Variants in SH3RF3 observed in about 807,000 individuals in gnomAD.
The protein encoded by SH3RF3 is E3 ubiquitin-protein ligase SH3RF3.
In SH3RF3, 29 loss-of-function variants were observed where a neutral mutation model predicts 66.3. The ratio of observed to expected loss-of-function variants is 0.44; its 90% CI spans 0.33 to 0.60. SH3RF3 has a LOEUF of 0.60. Ranked by LOEUF, SH3RF3 falls within the 20% of genes least tolerant of loss-of-function variation. The pLI, the probability that SH3RF3 is intolerant of heterozygous loss-of-function variation, is 0.04. For synonymous variants in SH3RF3, 583 were observed against 532.0 expected (o/e 1.10, Z -1.32); for missense variants, 1,194 against 1,190.9 (o/e 1.00, Z -0.04).
intron 1 of SH3RF3, among the ~76,000 whole-genome samples, chr2:109,132,387 CAG>C (rs947496449): frequency 6.6e-6 from 1 of 152,142 alleles, no homozygotes; most frequent in African/African-American, 2.4e-5. Context: ...GGACACAAAA[CAG>C]TGTTTTCCTG....
intron 3 of SH3RF3, among the ~76,000 whole-genome samples, chr2:109,380,895 G>A (rs531400569): frequency 8.8e-4 from 134 of 152,370 alleles, no homozygotes; most frequent in Admixed American, 2.0e-3. Context: ...AGCAGGGCAC[G>A]CACTGGTCCT....
At chr2:109,307,398 A>C (rs1835356) in intron 1 of SH3RF3, among the ~76,000 whole-genome samples, 46,985 of 151,740 alleles carry the variant, frequency 0.31, 8,980 homozygotes, top group African/African-American at 0.54. Context: ...CTCTGGGCGG[A>C]AGCTTGGAGC....
chr2:109,254,840 C>A (rs1035257868), intron 1 of SH3RF3, among the ~76,000 whole-genome samples: 4 of 152,148 alleles, frequency 2.6e-5, no homozygotes, highest in Non-Finnish European at 5.9e-5. Flanking sequence ...CTCGCCAGGG[C>A]AGTATCTGCT....
rs80041297 is a variant in SH3RF3, at chr2:109,171,794, G to A, written c.573+41681G>A. 9.8e-3 allele frequency among the ~76,000 whole-genome samples: 1,488 copies of A among 152,358 alleles called. 19 individuals are homozygous for A. The highest frequency in any genetic ancestry group is 0.034 in the African/African-American group (1,415 of 41,580). On this transcript the variant is annotated intron_variant, in intron 1 of 9. Coordinates refer to ENST00000309415, the MANE Select transcript of SH3RF3 (RefSeq NM_001099289.3). ...CCGTGCATCCCGGCCACGCTCACTT[G>A]CAGCGGGGAGTGGCTGCCTGCCCCA... is the stretch of plus-strand genomic sequence containing the variant.
At chr2:109,267,107 G>A (rs2105307599) in intron 1 of SH3RF3, among the ~76,000 whole-genome samples, 4 of 152,254 alleles carry the variant, frequency 2.6e-5, no homozygotes, top group African/African-American at 9.6e-5. Context: ...TCTCTGATGG[G>A]TATCGCTCAG....
intron 1 of SH3RF3, among the ~76,000 whole-genome samples, chr2:109,240,835 C>G (rs1679761375): frequency 6.6e-6 from 1 of 151,862 alleles, no homozygotes; most frequent in African/African-American, 2.4e-5. Context: ...TACTGGACTC[C>G]TGACACCCCC....
At chr2:109,429,953 A>C (rs1446866108) in intron 5 of SH3RF3, among the ~76,000 whole-genome samples, 3 of 152,164 alleles carry the variant, frequency 2.0e-5, no homozygotes, top group Non-Finnish European at 4.4e-5. Flanking sequence ...CAATCCACGG[A>C]ACAAGGCCTC....
At chr2:109,223,448 G>A (rs1679302228) in intron 1 of SH3RF3, among the ~76,000 whole-genome samples, 9 of 152,214 alleles carry the variant, frequency 5.9e-5, no homozygotes, top group Admixed American at 5.9e-4. Flanking sequence ...GTTATTTCAG[G>A]CATTGTCCCC....
intron 1 of SH3RF3, among the ~76,000 whole-genome samples, chr2:109,226,654 C>T (rs1024458093): frequency 6.6e-6 from 1 of 152,210 alleles, no homozygotes; most frequent in African/African-American, 2.4e-5. Context: ...ATCTTGACTT[C>T]TCCCGGGGCC....
chr2:109,177,693 A>G (rs1280631960), intron 1 of SH3RF3, among the ~76,000 whole-genome samples: 1 of 152,200 alleles, frequency 6.6e-6, no homozygotes, highest in Non-Finnish European at 1.5e-5. Flanking sequence ...AGTAATCTAA[A>G]AACTCTGAAT....
chr2:109,272,193 C>G (rs531518994), intron 1 of SH3RF3, among the ~76,000 whole-genome samples: 2 of 152,346 alleles, frequency 1.3e-5, no homozygotes, highest in South Asian at 4.1e-4. Flanking sequence ...CCCCACAGCC[C>G]TCTGCAATGA....
At chr2:109,163,813 C>T (rs1048164384) in intron 1 of SH3RF3, among the ~76,000 whole-genome samples, 36 of 152,332 alleles carry the variant, frequency 2.4e-4, no homozygotes, top group African/African-American at 8.7e-4. Flanking sequence ...AATGGCTCTG[C>T]TTCCCTCCAA....
chr2:109,282,767 T>A (rs770391624), intron 1 of SH3RF3, among the ~76,000 whole-genome samples: 1 of 152,200 alleles, frequency 6.6e-6, no homozygotes, highest in Non-Finnish European at 1.5e-5. Context: ...AGGAGAAAGC[T>A]GCAGAAGAGC....
At chr2:109,388,251 C>A (rs1183795730) in intron 3 of SH3RF3, among the ~76,000 whole-genome samples, 1 of 152,220 alleles carries the variant, frequency 6.6e-6, no homozygotes, top group Non-Finnish European at 1.5e-5. Context: ...TCAGCCAAGC[C>A]TTTCTCTAGT....
At chr2:109,235,254 A>G (rs546524628) in intron 1 of SH3RF3, among the ~76,000 whole-genome samples, 2 of 152,184 alleles carry the variant, frequency 1.3e-5, no homozygotes, top group Non-Finnish European at 2.9e-5. Context: ...TAGTTCTGGG[A>G]GGACTGGTTG....
chr2:109,438,532 T>TAC (rs1321797755), intron 7 of SH3RF3, among the ~76,000 whole-genome samples: 2 of 152,214 alleles, frequency 1.3e-5, no homozygotes, highest in Non-Finnish European at 2.9e-5. Flanking sequence ...CCATCTCAGA[T>TAC]TCTGTAAGTC....
intron 8 of SH3RF3, among the ~76,000 whole-genome samples, chr2:109,478,572 G>A (rs13402940): frequency 0.023 from 3,563 of 152,238 alleles, 127 homozygotes; most frequent in African/African-American, 0.081. Context: ...TGGATGTCTG[G>A]TATCCCTACA....
chr2:109,293,787 G>C (rs1681244348), intron 1 of SH3RF3, among the ~76,000 whole-genome samples: 2 of 152,214 alleles, frequency 1.3e-5, no homozygotes, highest in African/African-American at 2.4e-5. Flanking sequence ...AGCTGTAGGT[G>C]AACGCTGGGG....
At chr2:109,410,120 C>G (rs1282687052) in intron 4 of SH3RF3, among the ~76,000 whole-genome samples, 2 of 152,162 alleles carry the variant, frequency 1.3e-5, no homozygotes, top group African/African-American at 4.8e-5. Flanking sequence ...TAAAATGCAG[C>G]GGAGGAGGCT....
Sources: allele counts gnomAD v4.1 joint callset (sites outside exome capture counted in the v4.1 genomes callset), GRCh38; gene constraint gnomAD v4.1.1; transcripts MANE v1.5; gene names NCBI Gene and HGNC (gene_info 2026-07-23, HGNC 2026-07-21).